DYNC1I1: variants seen among roughly 807,000 people sequenced by gnomAD.
DYNC1I1 encodes dynein cytoplasmic 1 intermediate chain 1, also known as cytoplasmic dynein 1 intermediate chain 1.
DYNC1I1 carries 43 observed loss-of-function variants against 86.6 expected under a neutral mutation model. The ratio of observed to expected loss-of-function variants is 0.50; its 90% CI spans 0.39 to 0.64. The LOEUF is 0.64. Ranked by LOEUF, DYNC1I1 falls within the 30% of genes least tolerant of loss-of-function variation. The probability of loss-of-function intolerance (pLI) is 0.00; values close to 1 mark genes in which losing one functional copy is unlikely to be tolerated. For missense variants in DYNC1I1, 604 were observed against 788.8 expected, an observed-to-expected ratio of 0.77 and a Z score of 2.81; for synonymous variants, 262 against 283.7, an observed-to-expected ratio of 0.92 and a Z score of 0.77.
chr7:95,941,029 A>G (rs1414480066), intron 6 of DYNC1I1, among the ~76,000 whole-genome samples: 3 of 152,240 alleles, frequency 2.0e-5, no homozygotes, highest in African/African-American at 4.8e-5. Context: ...CAGGACCCTC[A>G]GCTACAGGTC....
intron 6 of DYNC1I1, among the ~76,000 whole-genome samples, chr7:95,921,414 G>T (rs77037910): frequency 0.018 from 2,758 of 152,256 alleles, 77 homozygotes; most frequent in African/African-American, 0.056. Context: ...TGAGGCCCAA[G>T]CCCCAATTTC....
intron 5 of DYNC1I1, among the ~76,000 whole-genome samples, chr7:95,855,283 T>C (rs1033475110): frequency 6.6e-6 from 1 of 152,214 alleles, no homozygotes; most frequent in African/African-American, 2.4e-5. Context: ...TCTCCTGATC[T>C]GTACAATTTC....
intron 14 of DYNC1I1, among the ~76,000 whole-genome samples, chr7:96,073,529 G>A (rs954591883): frequency 5.3e-5 from 8 of 152,166 alleles, no homozygotes; most frequent in East Asian, 3.9e-4. Flanking sequence ...TTTAAAGCTG[G>A]ATGGTCTTTT....
At chr7:96,042,501 G>A (rs571351780) in intron 14 of DYNC1I1, among the ~76,000 whole-genome samples, 56 of 152,178 alleles carry the variant, frequency 3.7e-4, no homozygotes, top group African/African-American at 1.1e-3. Context: ...GATTCTAAGC[G>A]CGGAGCAGGA....
chr7:95,813,158 C>G lies in DYNC1I1; in HGVS notation c.224-89C>G, dbSNP rs376283887. On this transcript the variant is annotated intron_variant, in intron 3 of 16. Coordinates refer to ENST00000447467, the MANE Select transcript of DYNC1I1 (RefSeq NM_001135556.2). ...GCCATACAACCACTTTAATTTGGGC[C>G]CATTTGTTTTGATTTGTCTGACACT... 4.4e-6 allele frequency: 7 copies of G among 1,604,254 alleles called. No individual in the cohort carries two copies. The South Asian group carries it at 4.4e-5, about 10-fold the overall frequency.
chr7:96,004,986 G>C (rs1459264984), intron 10 of DYNC1I1, among the ~76,000 whole-genome samples: 1 of 152,122 alleles, frequency 6.6e-6, no homozygotes, highest in Non-Finnish European at 1.5e-5. Context: ...TATGTGATGT[G>C]TTGATTTTTA....
chr7:96,094,792 A>G (rs767281327), intron 16 of DYNC1I1, among the ~76,000 whole-genome samples: 5 of 152,244 alleles, frequency 3.3e-5, no homozygotes, highest in Non-Finnish European at 7.3e-5. Flanking sequence ...AGGATGAGGT[A>G]GATAAATTGA....
intron 6 of DYNC1I1, among the ~76,000 whole-genome samples, chr7:95,954,561 C>T (rs1228213723): frequency 6.6e-6 from 1 of 152,020 alleles, no homozygotes; most frequent in Non-Finnish European, 1.5e-5. Context: ...TGCTAAAACT[C>T]AATGACATTT....
intron 9 of DYNC1I1, among the ~76,000 whole-genome samples, chr7:95,988,422 G>A (rs1319009277): frequency 6.6e-6 from 1 of 152,178 alleles, no homozygotes; most frequent in East Asian, 1.9e-4. Flanking sequence ...ATTGCCCGTA[G>A]AAAAGAAGTC....
At chr7:95,998,057 T>C (rs1006440162) in intron 10 of DYNC1I1, among the ~76,000 whole-genome samples, 3 of 152,228 alleles carry the variant, frequency 2.0e-5, no homozygotes, top group Non-Finnish European at 4.4e-5. Flanking sequence ...TACTAAAGTG[T>C]AATACCTGTA....
rs539292628 is a variant in DYNC1I1 at position 96,036,095 on chromosome 7, A to G, written c.1364+343A>G. On this transcript the variant is annotated intron_variant, in intron 13 of 16. Transcript: ENST00000447467. ...ATATTTCTTATCCCTCCATGCCTCAATGAGTTTGCATACTCAACTTCTTTT... is the reference window on the plus strand; with the variant it reads ...ATATTTCTTATCCCTCCATGCCTCAGTGAGTTTGCATACTCAACTTCTTTT... Among the ~76,000 whole-genome samples the G allele has an allele frequency of 5.9e-5, 9 of 152,328 alleles. No individual in the cohort carries two copies. The South Asian group carries it at 1.7e-3, about 28-fold the overall frequency.
chr7:95,993,786 A>G (rs1215268925), intron 9 of DYNC1I1, among the ~76,000 whole-genome samples: 1 of 152,200 alleles, frequency 6.6e-6, no homozygotes, highest in Non-Finnish European at 1.5e-5. Flanking sequence ...GAAAAAAAAG[A>G]TCTGTGTTCA....
intron 13 of DYNC1I1, among the ~76,000 whole-genome samples, chr7:96,037,208 C>A (rs1181487242): frequency 6.6e-6 from 1 of 152,172 alleles, no homozygotes; most frequent in Non-Finnish European, 1.5e-5. Flanking sequence ...GGAAGATATG[C>A]CTCACAGTCC....
chr7:95,852,037 G>A lies in DYNC1I1; in HGVS notation c.375-17846G>A, dbSNP rs118069026. Among the ~76,000 whole-genome samples the A allele has an allele frequency of 6.4e-3, 967 of 152,256 alleles. 19 individuals carry two copies. Among genetic ancestry groups the A allele is most frequent in the East Asian group, 0.029 (149 of 5,178 alleles). ...ATGCTGGCTTCATAAAATGAGCCTG[G>A]AAGTGTCCCTCTCTTCAGTTTTTTG... On this transcript the variant is annotated intron_variant, in intron 5 of 16. Transcript: ENST00000447467.
At chr7:95,994,342 A>G (rs1793805559) in intron 9 of DYNC1I1, among the ~76,000 whole-genome samples, 1 of 152,160 alleles carries the variant, frequency 6.6e-6, no homozygotes, top group Non-Finnish European at 1.5e-5. Flanking sequence ...AAAAAATTAT[A>G]ATGCATTTGA....
At chr7:95,848,750 G>A (rs1373966420) in intron 5 of DYNC1I1, among the ~76,000 whole-genome samples, 1 of 152,040 alleles carries the variant, frequency 6.6e-6, no homozygotes, top group Non-Finnish European at 1.5e-5. Flanking sequence ...ATCTAGTAGT[G>A]GGATTGCTGG....
chr7:95,839,439 C>G (rs911167494), intron 5 of DYNC1I1, among the ~76,000 whole-genome samples: 1 of 152,096 alleles, frequency 6.6e-6, no homozygotes, highest in Non-Finnish European at 1.5e-5. Flanking sequence ...CTCTTGCATA[C>G]GAAAACTCTA....
intron 1 of DYNC1I1, among the ~76,000 whole-genome samples, chr7:95,776,271 G>A (rs1793837723): frequency 6.6e-6 from 1 of 152,186 alleles, no homozygotes; most frequent in Non-Finnish European, 1.5e-5. Flanking sequence ...TCCTCTCTGA[G>A]TGAGGCCTGG....
At chr7:95,898,701 C>G (rs1455451075) in intron 6 of DYNC1I1, among the ~76,000 whole-genome samples, 1 of 152,170 alleles carries the variant, frequency 6.6e-6, no homozygotes, top group Non-Finnish European at 1.5e-5. Context: ...GTATCCACTG[C>G]ACAGAGGATT....
Sources: allele counts gnomAD v4.1 joint callset (sites outside exome capture counted in the v4.1 genomes callset), GRCh38; gene constraint gnomAD v4.1.1; transcripts MANE v1.5; gene names NCBI Gene and HGNC (gene_info 2026-07-23, HGNC 2026-07-21).